FANCM: variants seen among roughly 807,000 people sequenced by gnomAD.
FANCM encodes Fanconi anemia group M protein.
In FANCM, 140 loss-of-function variants were observed where a neutral mutation model predicts 199.5. The ratio of observed to expected loss-of-function variants is 0.70; its 90% CI spans 0.61 to 0.81. The LOEUF is 0.81. Ranked by LOEUF, FANCM falls within the 30% of genes least tolerant of loss-of-function variation. FANCM has a pLI of 0.00. For missense variants in FANCM, 2,410 were observed against 2,421.4 expected (o/e 1.00, Z 0.10); for synonymous variants, 840 against 836.8 (o/e 1.00, Z -0.07).
chr14:45,200,764 G>A lies in FANCM; in HGVS notation c.*756G>A, dbSNP rs886050509. On this transcript the variant is annotated 3_prime_UTR_variant, in exon 23 of 23. Coordinates refer to ENST00000267430, the MANE Select transcript of FANCM (RefSeq NM_020937.4). ...AAGCTTTTCCTCTGTTCACTCTGCA[G>A]TTCTCTTGCCTACTGCCATGTGGAA... 1.3e-5 allele frequency: 2 copies of A among 152,292 alleles called. No homozygotes were observed. The highest frequency in any genetic ancestry group is 3.9e-4 in the East Asian group (2 of 5,174). 9.4% of individuals were successfully genotyped at this position (152,292 alleles called of 1,614,324 possible). A position where few individuals can be genotyped will look rare whatever the true frequency, so the allele number is the denominator to read the frequency against.
intron 20 of FANCM, among the ~76,000 whole-genome samples, chr14:45,194,891 A>G (rs746096351): frequency 7.4e-5 from 11 of 149,404 alleles, no homozygotes; most frequent in Non-Finnish European, 1.5e-4. Context: ...GGCTCACTGC[A>G]ACTCCGCCTC....
At chr14:45,145,873 A>C (rs1181781477) in intron 3 of FANCM, among the ~76,000 whole-genome samples, 2 of 151,036 alleles carry the variant, frequency 1.3e-5, no homozygotes, top group African/African-American at 2.4e-5. Flanking sequence ...TCCCGGCTAA[A>C]ACGGTGAAAC....
In FANCM at chr14:45,175,596, A is replaced by C; in HGVS notation, c.2842A>C (p.Ser948Arg). 2 of 1,613,628 alleles carry C rather than the reference A, an allele frequency of 1.2e-6. No individual in the cohort carries two copies. Among genetic ancestry groups the C allele is most frequent in the Non-Finnish European group, 1.7e-6 (2 of 1,179,748 alleles). ...AGNVLDSGYN[S>R]FNDEKSVSSN... ...AAATGTTTTAGATTCTGGTTATAAC[A>C]GTTTCAATGATGAAAAATCTGTTTC... Residue 948 changes from serine (S) to arginine (R), a missense_variant, in exon 14 of 23, where the codon AGT (serine) becomes CGT (arginine). Coordinates refer to ENST00000267430, the MANE Select transcript of FANCM (RefSeq NM_020937.4).
In FANCM at chr14:45,198,881, T is replaced by C; in HGVS notation, c.5954T>C (p.Ile1985Thr). Residue 1985 changes from isoleucine (I) to threonine (T), a missense_variant, in exon 22 of 23, where the codon ATA (isoleucine) becomes ACA (threonine). By Grantham distance (89) the Ile-to-Thr change is moderately conservative. Coordinates refer to ENST00000267430, the MANE Select transcript of FANCM (RefSeq NM_020937.4). ...TTAAGTATTCCCAATATAAGTTATATAACTGCATTAAATATGTGTCACCAG... is the reference window on the plus strand; with the variant it reads ...TTAAGTATTCCCAATATAAGTTATACAACTGCATTAAATATGTGTCACCAG... ...FYLSIPNISYITALNMCHQFS... is the reference protein window; with the variant it reads ...FYLSIPNISYTTALNMCHQFS... 2.5e-6 allele frequency: 4 copies of C among 1,611,440 alleles called. No individual in the cohort carries two copies. The highest frequency in any genetic ancestry group is 3.4e-6 in the Non-Finnish European group (4 of 1,177,678).
chr14:45,140,610 A>G, intron 2 of FANCM, 22 bp from the exon 3 acceptor site: 1 of 1,393,640 alleles, frequency 7.2e-7, no homozygotes, highest in African/African-American at 1.4e-5. Context: ...AGATGAAACT[A>G]AAGAACTTTT....
intron 11 of FANCM, 25 bp downstream of exon 11, chr14:45,167,188 A>C (rs1052683575): frequency 7.2e-7 from 1 of 1,382,304 alleles, no homozygotes; most frequent in African/African-American, 1.4e-5. Context: ...CATTTGACAC[A>C]TGCATTTTTC....
At chr14:45,163,180 G>A (rs1433046905) in intron 9 of FANCM, among the ~76,000 whole-genome samples, 1 of 152,182 alleles carries the variant, frequency 6.6e-6, no homozygotes, top group Non-Finnish European at 1.5e-5. Flanking sequence ...ACATTCAAAT[G>A]CTGATGATTA....
At chr14:45,169,562 G>T (rs933842441) in intron 11 of FANCM, among the ~76,000 whole-genome samples, 1 of 151,910 alleles carries the variant, frequency 6.6e-6, no homozygotes, top group East Asian at 1.9e-4. Context: ...ACCATGCCCA[G>T]CTAATTTTAT....
chr14:45,139,706 A>G (rs917443956), intron 2 of FANCM, among the ~76,000 whole-genome samples: 5 of 152,230 alleles, frequency 3.3e-5, no homozygotes, highest in African/African-American at 1.2e-4. Context: ...AGCTGGGCGC[A>G]GTGGCTTGAA....
In FANCM at chr14:45,175,658, T is replaced by C; in HGVS notation, c.2904T>C (p.Tyr968=). 6.2e-7 allele frequency: 1 copy of C among 1,613,248 alleles called. No homozygotes were observed. The part of the protein sequence containing the change: ...NLFLPFEEEL[Y]IVRTDDQFYN... ...TTCTTCCATTCGAAGAAGAGCTTTA[T>C]ATTGTTAGAACAGATGACCAATTTT... is the stretch of plus-strand genomic sequence containing the variant. Residue 968 remains tyrosine (Y), a synonymous_variant, in exon 14 of 23, where the codon TAT becomes TAC. Transcript: ENST00000267430.
Position 45,137,242 on chromosome 14 carries a change from G to A in FANCM, c.681+1G>A. The A allele has an allele frequency of 6.2e-7, 1 of 1,610,710 alleles. No individual in the cohort carries two copies. The highest frequency in any genetic ancestry group is 8.5e-7 in the Non-Finnish European group (1 of 1,179,472). On this transcript the variant is annotated splice_donor_variant, in intron 2 of 22. Coordinates refer to ENST00000267430, the MANE Select transcript of FANCM (RefSeq NM_020937.4). LOFTEE classifies it high-confidence loss of function. ...TCTCGGAAACTATGCTTATTGCCAGGTAATAATTTTGTTAAACGGTATTTT... is the reference window on the plus strand; with the variant it reads ...TCTCGGAAACTATGCTTATTGCCAGATAATAATTTTGTTAAACGGTATTTT...
At chr14:45,177,026 C>T in intron 14 of FANCM, 50 bp downstream of exon 14, 2 of 1,191,158 alleles carry the variant, frequency 1.7e-6, no homozygotes, top group Non-Finnish European at 2.5e-6. Flanking sequence ...AATAATTACT[C>T]TAGAAATACT....
chr14:45,176,233 C>A lies in FANCM; in HGVS notation c.3479C>A (p.Pro1160His), dbSNP rs749984772. The stretch of plus-strand genomic sequence containing the variant: ...TTGAACAGTAAAAGCGAATCTTTAC[C>A]TGTGTCAGACAAAACTGCTATTAGT... Reference protein sequence around the residue: ...SPLNSKSESLPVSDKTAISET... With the variant: ...SPLNSKSESLHVSDKTAISET... Residue 1160 changes from proline (P) to histidine (H), a missense_variant, in exon 14 of 23, where the codon CCT becomes CAT. Pro to His is a moderately conservative substitution (Grantham distance 77). Transcript: ENST00000267430. 6.2e-7 allele frequency: 1 copy of A among 1,614,020 alleles called. No homozygotes were observed. The highest frequency in any genetic ancestry group is 1.1e-5 in the South Asian group (1 of 91,082).
At chr14:45,170,502 G>T in intron 11 of FANCM, 87 bp from the exon 12 acceptor site, 1 of 939,060 alleles carries the variant, frequency 1.1e-6, no homozygotes, top group Non-Finnish European at 1.7e-6. Context: ...CTCCAACCTG[G>T]GTGACAGAGT....
intron 14 of FANCM, chr14:45,180,991 A>G (rs1234360167): frequency 5.5e-6 from 1 of 180,920 alleles, no homozygotes; most frequent in African/African-American, 2.4e-5. Flanking sequence ...CATATATAAC[A>G]AAGAATCTTT....
intron 12 of FANCM, 88 bp from the exon 13 acceptor site, chr14:45,172,967 G>T: frequency 1.1e-6 from 1 of 951,054 alleles, no homozygotes; most frequent in South Asian, 1.3e-5. Context: ...ATGTTAAGCT[G>T]ATTATATGTA....
At position 45,148,200 on chromosome 14, in the gene FANCM, A is replaced by ACACAC. The variant is rs1566731408; in HGVS notation, c.760-637_760-636insCACAC. ...TGACAGAACGAGGCACCGTCTCAAA[A>ACACAC]ACACACACACACACACACACACACA... On this transcript the variant is annotated intron_variant, in intron 3 of 22. Transcript: ENST00000267430. Among the ~76,000 whole-genome samples, 797 of 142,420 alleles carry ACACAC rather than the reference A, an allele frequency of 5.6e-3. 8 individuals carry two copies. The highest frequency in any genetic ancestry group is 0.018 in the South Asian group (79 of 4,428). 93.4% of individuals were successfully genotyped at this position (142,420 alleles called of 152,430 possible). A position where few individuals can be genotyped will look rare whatever the true frequency, so the allele number is the denominator to read the frequency against.
chr14:45,175,602 A>C lies in FANCM; in HGVS notation c.2848A>C (p.Asn950His). ...TTTAGATTCTGGTTATAACAGTTTC[A>C]ATGATGAAAAATCTGTTTCATCTAA... Reference protein sequence around the residue: ...NVLDSGYNSFNDEKSVSSNLF... With the variant: ...NVLDSGYNSFHDEKSVSSNLF... Residue 950 changes from asparagine to histidine, a missense_variant, in exon 14 of 23, where the codon AAT (asparagine) becomes CAT (histidine). Physicochemically the swap from Asn to His is moderately conservative, Grantham distance 68. Transcript: ENST00000267430. 1.2e-6 allele frequency: 2 copies of C among 1,613,688 alleles called. No individual in the cohort carries two copies. The highest frequency in any genetic ancestry group is 1.7e-6 in the Non-Finnish European group (2 of 1,179,786).
At chr14:45,187,097 T>C (rs1248405640) in intron 18 of FANCM, among the ~76,000 whole-genome samples, 1 of 152,168 alleles carries the variant, frequency 6.6e-6, no homozygotes, top group South Asian at 2.1e-4. Flanking sequence ...GAAGGACATA[T>C]TTGCTGTTAT....
Sources: gnomAD v4.1 joint callset for allele counts (sites outside exome capture counted in the v4.1 genomes callset) on GRCh38, gnomAD v4.1.1 for gene constraint, MANE v1.5 for transcripts, NCBI Gene and HGNC (gene_info 2026-07-23, HGNC 2026-07-21) for gene names.